Variants in SLC24A3 observed in about 807,000 individuals in gnomAD.
The protein encoded by SLC24A3 is solute carrier family 24 member 3, also known as sodium/potassium/calcium exchanger 3.
Under a neutral mutation model 75.8 loss-of-function variants are expected in SLC24A3, and 28 were observed. The observed-to-expected ratio is 0.37, with a 90% CI of 0.27 to 0.51. The LOEUF (loss-of-function observed/expected upper bound fraction) is 0.51, where lower values mean the gene tolerates loss of function less well. Among genes scored for constraint, SLC24A3 ranks in the 20% least tolerant of loss-of-function variants. The pLI is 0.94. For synonymous variants in SLC24A3, 372 were observed against 334.1 expected (o/e 1.11, Z -1.24); for missense variants, 663 against 847.8 (o/e 0.78, Z 2.71).
intron 15 of SLC24A3, among the ~76,000 whole-genome samples, chr20:19,710,664 G>T (rs2032977869): frequency 6.6e-6 from 1 of 152,178 alleles, no homozygotes; most frequent in East Asian, 1.9e-4. Flanking sequence ...CACTGTGCAG[G>T]CCTGTCCAAA....
At chr20:19,306,490 T>A (rs1984333255) in intron 2 of SLC24A3, among the ~76,000 whole-genome samples, 1 of 152,174 alleles carries the variant, frequency 6.6e-6, no homozygotes, top group African/African-American at 2.4e-5. Context: ...GAAATTGTGA[T>A]ACATATATAC....
chr20:19,448,524 C>G lies in SLC24A3; in HGVS notation c.272-66964C>G, dbSNP rs3790210. On this transcript the variant is annotated intron_variant, in intron 2 of 16. Coordinates refer to ENST00000328041, the MANE Select transcript of SLC24A3 (RefSeq NM_020689.4). Reference sequence around the variant, plus strand: ...TCTCTGAACCCTCGAATCACAGCGTCCAACAGTTACCATTTGTCCTTTTCT... The same window carrying G: ...TCTCTGAACCCTCGAATCACAGCGTGCAACAGTTACCATTTGTCCTTTTCT... Among the ~76,000 whole-genome samples the G allele has an allele frequency of 2.3e-4, 35 of 152,294 alleles. 2 individuals carry two copies. In the East Asian group the frequency reaches 6.8e-3, roughly 29 times the overall value.
At chr20:19,606,868 A>G (rs6112486) in intron 6 of SLC24A3, among the ~76,000 whole-genome samples, 4,020 of 152,256 alleles carry the variant, frequency 0.026, 164 homozygotes, top group African/African-American at 0.093. Flanking sequence ...CTTGAACCCC[A>G]CTGTTCTGCT....
chr20:19,634,432 A>C (rs1370898438), intron 6 of SLC24A3, among the ~76,000 whole-genome samples: 1 of 152,170 alleles, frequency 6.6e-6, no homozygotes, highest in African/African-American at 2.4e-5. Context: ...ATAGATCCAA[A>C]GCACTCCTAC....
chr20:19,474,177 C>A (rs960389796), intron 2 of SLC24A3, among the ~76,000 whole-genome samples: 2 of 152,096 alleles, frequency 1.3e-5, no homozygotes, highest in African/African-American at 4.8e-5. Flanking sequence ...TCTAAAATTC[C>A]CTGTCTGGTC....
chr20:19,403,146 TGGGGAA>T (rs1186095751), intron 2 of SLC24A3, among the ~76,000 whole-genome samples: 1 of 152,132 alleles, frequency 6.6e-6, no homozygotes, highest in African/African-American at 2.4e-5. Flanking sequence ...GCCCAAAAAC[TGGGGAA>T]GGGCCAGTGT....
intron 2 of SLC24A3, among the ~76,000 whole-genome samples, chr20:19,316,729 A>G (rs1461744015): frequency 1.3e-5 from 2 of 152,210 alleles, no homozygotes; most frequent in South Asian, 2.1e-4. Flanking sequence ...AATGAGAATG[A>G]TCTCAAGGTC....
intron 2 of SLC24A3, among the ~76,000 whole-genome samples, chr20:19,317,714 C>T (rs1984617043): frequency 6.6e-6 from 1 of 152,196 alleles, no homozygotes; most frequent in Admixed American, 6.5e-5. Flanking sequence ...CCTTCACCAG[C>T]TCACCCCTTC....
intron 3 of SLC24A3, among the ~76,000 whole-genome samples, chr20:19,568,156 G>A (rs1346284238): frequency 1.3e-5 from 2 of 152,174 alleles, no homozygotes; most frequent in African/African-American, 2.4e-5. Flanking sequence ...CAAGGATGTG[G>A]AGAAATTGGA....
chr20:19,579,248 C>T (rs991682595), intron 3 of SLC24A3, among the ~76,000 whole-genome samples: 2 of 152,134 alleles, frequency 1.3e-5, no homozygotes, highest in Non-Finnish European at 2.9e-5. Flanking sequence ...AGTAAGATTT[C>T]ATTAGTTGGA....
chr20:19,280,395 G>C (rs1049143564), intron 1 of SLC24A3, among the ~76,000 whole-genome samples: 1 of 152,152 alleles, frequency 6.6e-6, no homozygotes, highest in Admixed American at 6.5e-5. Context: ...ATGTTCAATG[G>C]TGGGTGGTTC....
chr20:19,462,397 C>A (rs1296987120), intron 2 of SLC24A3, among the ~76,000 whole-genome samples: 2 of 152,006 alleles, frequency 1.3e-5, no homozygotes, highest in Non-Finnish European at 2.9e-5. Context: ...GTAGGGACTA[C>A]GGGCGCCTGA....
intron 3 of SLC24A3, among the ~76,000 whole-genome samples, chr20:19,537,314 A>G (rs2122582979): frequency 1.3e-5 from 2 of 152,374 alleles, no homozygotes; most frequent in Middle Eastern, 6.8e-3. Flanking sequence ...ATGCAAATCA[A>G]AACCACAGCG....
At chr20:19,406,079 G>A (rs1477055361) in intron 2 of SLC24A3, among the ~76,000 whole-genome samples, 1 of 152,162 alleles carries the variant, frequency 6.6e-6, no homozygotes, top group African/African-American at 2.4e-5. Flanking sequence ...GCTTTAGAAA[G>A]TTCTTAGAAT....
intron 6 of SLC24A3, among the ~76,000 whole-genome samples, chr20:19,633,469 GAAACCCCGTCTCTACT>G (rs2031961227): frequency 6.6e-6 from 1 of 151,914 alleles, no homozygotes; most frequent in African/African-American, 2.4e-5. Flanking sequence ...CTAAACCGGT[GAAACCCCGTCTCTACT>G]AAAAATACAA....
chr20:19,253,502 T>G (rs942102071), intron 1 of SLC24A3, among the ~76,000 whole-genome samples: 2 of 152,224 alleles, frequency 1.3e-5, no homozygotes, highest in African/African-American at 4.8e-5. Flanking sequence ...TGGCATTTGC[T>G]TCTCGGATTG....
chr20:19,356,073 G>T (rs911769359), intron 2 of SLC24A3, among the ~76,000 whole-genome samples: 1 of 152,108 alleles, frequency 6.6e-6, no homozygotes, highest in Non-Finnish European at 1.5e-5. Context: ...CACCTGCCAG[G>T]TATTCTCACT....
At chr20:19,689,694 C>T (rs2032722894) in intron 12 of SLC24A3, among the ~76,000 whole-genome samples, 1 of 152,142 alleles carries the variant, frequency 6.6e-6, no homozygotes, top group Non-Finnish European at 1.5e-5. Context: ...GTTGTTGACT[C>T]AAAGAGGAAA....
intron 1 of SLC24A3, among the ~76,000 whole-genome samples, chr20:19,236,834 G>A (rs554147845): frequency 1.7e-4 from 26 of 152,252 alleles, no homozygotes; most frequent in African/African-American, 5.8e-4. Context: ...AACAGCTGTG[G>A]CAGAAACCCA....
Sources: gnomAD v4.1 joint callset for allele counts (sites outside exome capture counted in the v4.1 genomes callset) on GRCh38, gnomAD v4.1.1 for gene constraint, MANE v1.5 for transcripts, NCBI Gene and HGNC (gene_info 2026-07-23, HGNC 2026-07-21) for gene names.